NCR1: variants seen among roughly 807,000 people sequenced by gnomAD.
The protein encoded by NCR1 is NK cell-activating receptor.
A neutral mutation model predicts 32.5 loss-of-function variants in NCR1; 30 were observed. The observed-to-expected ratio is 0.92, with a 90% CI of 0.69 to 1.25. NCR1 has a LOEUF of 1.25. NCR1 is among the 50% of genes most tolerant of loss of function. The pLI is 0.00. For missense variants in NCR1, 369 were observed against 380.7 expected, an observed-to-expected ratio of 0.97 and a Z score of 0.26; for synonymous variants, 169 against 143.4, an observed-to-expected ratio of 1.18 and a Z score of -1.28.
At chr19:54,933,592 AG>A in the NCR1 span, 2 of 1,614,216 alleles carry the variant, frequency 1.2e-6, no homozygotes, top group Non-Finnish European at 1.7e-6. Flanking sequence ...GTTTACAATC[AG>A]GGTAACTCAA....
chr19:54,929,043 G>A, the NCR1 span, among the ~76,000 whole-genome samples: 2 of 152,118 alleles, frequency 1.3e-5, no homozygotes, highest in African/African-American at 2.4e-5. Context: ...TCTGGCTTGA[G>A]GCTTGAAATA....
At position 54,912,949 on chromosome 19, in the gene NCR1, G is replaced by A. The variant is rs769180333; in HGVS notation, c.*78G>A. The A allele has an allele frequency of 1.7e-5, 24 of 1,406,280 alleles. No individual in the cohort carries two copies. Among genetic ancestry groups the A allele is most frequent in the African/African-American group, 2.8e-5 (2 of 70,674 alleles). The allele number at this position is 1,406,280 out of a possible 1,614,324, so 87.1% of individuals were successfully genotyped here. On this transcript the variant is annotated 3_prime_UTR_variant, in exon 7 of 7. Transcript: ENST00000291890. The stretch of plus-strand genomic sequence containing the variant: ...GCCTGGGCGGCGTGAGCTCTGTGTT[G>A]GACCCACGGAGGAGGGAGTCACTGC...
chr19:54,933,877 C>G, the NCR1 span: 1 of 770,038 alleles, frequency 1.3e-6, no homozygotes. Flanking sequence ...TGGGAGTCAT[C>G]ATGGCCACAA....
At chr19:54,935,220 G>A in the NCR1 span, among the ~76,000 whole-genome samples, 1 of 43,268 alleles carries the variant, frequency 2.3e-5, no homozygotes, top group Non-Finnish European at 4.2e-5. Context: ...GGATGATTTT[G>A]CAGGGGGGAA....
At chr19:54,911,122 G>A (rs986760357) in intron 5 of NCR1, among the ~76,000 whole-genome samples, 9 of 151,996 alleles carry the variant, frequency 5.9e-5, no homozygotes, top group Non-Finnish European at 1.3e-4. Flanking sequence ...CGAGGCAGGT[G>A]GATCATGAGG....
chr19:54,930,541 C>T, the NCR1 span: 2 of 1,611,676 alleles, frequency 1.2e-6, no homozygotes, highest in African/African-American at 2.7e-5. Context: ...TAATGCCTGA[C>T]AGAGAATCCA....
At chr19:54,926,916 TAAAAAAAAAAAA>T in the NCR1 span, among the ~76,000 whole-genome samples, 1 of 26,656 alleles carries the variant, frequency 3.8e-5, no homozygotes, top group East Asian at 2.4e-3. Flanking sequence ...ACTCTGTCTT[TAAAAAAAAAAAA>T]AAAAAAAAAA....
the NCR1 span, among the ~76,000 whole-genome samples, chr19:54,931,413 G>A: frequency 6.6e-6 from 1 of 152,176 alleles, no homozygotes; most frequent in South Asian, 2.1e-4. Flanking sequence ...AAATTAGCTG[G>A]GCACGATGGC....
At chr19:54,930,704 T>A in the NCR1 span, 2 of 1,566,998 alleles carry the variant, frequency 1.3e-6, no homozygotes. Flanking sequence ...CTGTTATCCC[T>A]CTGGCTAACG....
chr19:54,900,016 G>C, the NCR1 span, among the ~76,000 whole-genome samples: 1 of 152,194 alleles, frequency 6.6e-6, no homozygotes, highest in Admixed American at 6.5e-5. Context: ...TTGGAGAAGA[G>C]AGTAAAAAGA....
downstream of NCR1, among the ~76,000 whole-genome samples, chr19:54,921,005 A>G (rs76383766): frequency 0.021 from 3,239 of 152,276 alleles, 95 homozygotes; most frequent in African/African-American, 0.072. Flanking sequence ...AAAAAAGACT[A>G]CTATCTTAAA....
the NCR1 span, among the ~76,000 whole-genome samples, chr19:54,936,595 G>A: frequency 1.3e-5 from 2 of 150,682 alleles, no homozygotes; most frequent in East Asian, 2.0e-4. Flanking sequence ...GCTGAGGCAG[G>A]AGGATAACCT....
At chr19:54,925,208 A>G in the NCR1 span, among the ~76,000 whole-genome samples, 3 of 152,128 alleles carry the variant, frequency 2.0e-5, no homozygotes, top group Non-Finnish European at 4.4e-5. Context: ...CGCCCCAAAC[A>G]TATGACATAA....
chr19:54,915,340 C>A (rs144844626), downstream of NCR1, among the ~76,000 whole-genome samples: 1 of 152,286 alleles, frequency 6.6e-6, no homozygotes, highest in East Asian at 1.9e-4. Context: ...CTGAGAACTT[C>A]TACTTATCAA....
At chr19:54,908,639 G>A (rs1244633495) in intron 3 of NCR1, among the ~76,000 whole-genome samples, 6 of 146,384 alleles carry the variant, frequency 4.1e-5, no homozygotes, top group African/African-American at 1.5e-4. Context: ...CCCGGACGGG[G>A]CGGCTGGCCG....
intron 2 of NCR1, 82 bp downstream of exon 2, chr19:54,906,416 G>A: frequency 6.2e-7 from 1 of 1,602,114 alleles, no homozygotes; most frequent in Non-Finnish European, 8.5e-7. Flanking sequence ...TGGGGTGAGG[G>A]GACAGGGTGC....
At chr19:54,936,546 G>A in the NCR1 span, 99 of 918,984 alleles carry the variant, frequency 1.1e-4, no homozygotes, top group African/African-American at 1.3e-3. Flanking sequence ...TCTTGGCCGG[G>A]TGCAGTGGCT....
the NCR1 span, chr19:54,923,482 G>A: frequency 3.6e-6 from 2 of 548,534 alleles, no homozygotes; most frequent in African/African-American, 3.8e-5. Context: ...TTGCAGGTTT[G>A]CTCCTGAGCA....
At chr19:54,934,419 C>G in the NCR1 span, 1 of 1,516,526 alleles carries the variant, frequency 6.6e-7, no homozygotes, top group Non-Finnish European at 9.2e-7. This position sits in a 1 kb window ranked among gnomAD's most constrained non-coding sequence, Gnocchi z 6.7. Context: ...CGCAGTAAGT[C>G]AGGTGTTACC....
Sources: allele counts gnomAD v4.1 joint callset (sites outside exome capture counted in the v4.1 genomes callset), GRCh38; gene constraint gnomAD v4.1.1; non-coding constraint Gnocchi (gnomAD v3.1); transcripts MANE v1.5; gene names NCBI Gene and HGNC (gene_info 2026-07-23, HGNC 2026-07-21).